The following TGS1 variants were observed in gnomAD, a reference collection of about 807,000 sequenced individuals.
TGS1 encodes trimethylguanosine synthase.
Under a neutral mutation model 92.2 loss-of-function variants are expected in TGS1, and 69 were observed. That is an observed-to-expected ratio of 0.75 (90% CI 0.62 to 0.91). The LOEUF (loss-of-function observed/expected upper bound fraction) is 0.91. Ranked by LOEUF, TGS1 falls within the 40% of genes least tolerant of loss-of-function variation. The probability of loss-of-function intolerance (pLI) is 0.00; values close to 1 mark genes in which losing one functional copy is unlikely to be tolerated. For missense variants in TGS1, 1,062 were observed against 1,001.2 expected (o/e 1.06, Z -0.82); for synonymous variants, 345 against 338.1 (o/e 1.02, Z -0.22).
chr8:55,795,267 A>C (rs753832154), intron 6 of TGS1, among the ~76,000 whole-genome samples: 9 of 152,170 alleles, frequency 5.9e-5, no homozygotes, highest in Non-Finnish European at 8.8e-5. Flanking sequence ...ACCCAATTCT[A>C]CTTAAAAGAG....
Position 55,783,454 on chromosome 8 carries a change from T to G in TGS1, c.166+642T>G, listed in dbSNP as rs562161382. ...TATGTAAATTCTAATCATAATACAC[T>G]TCATGAGAAGTGTATTATGTAGGTA... On this transcript the variant is annotated intron_variant, in intron 2 of 12. Coordinates refer to ENST00000260129, the MANE Select transcript of TGS1 (RefSeq NM_024831.8). 2.8e-4 allele frequency among the ~76,000 whole-genome samples: 42 copies of G among 152,070 alleles called. No homozygotes were observed. In the East Asian group the frequency reaches 5.4e-3, roughly 20 times the overall value.
In TGS1 at chr8:55,825,393, A is replaced by G. The variant is rs571260890; in HGVS notation, c.*690A>G. ...TTCCATTGTGACATCAATACGCAAT[A>G]TATTTTGTAATATAGGAGTTTCTAT... is the stretch of plus-strand genomic sequence containing the variant. On this transcript the variant is annotated 3_prime_UTR_variant, in exon 13 of 13. Coordinates refer to ENST00000260129, the MANE Select transcript of TGS1 (RefSeq NM_024831.8). The G allele has an allele frequency of 2.0e-5, 3 of 152,328 alleles. No homozygotes were observed. The highest frequency in any genetic ancestry group is 2.9e-5 in the Non-Finnish European group (2 of 68,028). 9.4% of individuals were successfully genotyped at this position (152,328 alleles called of 1,614,324 possible).
Position 55,799,228 on chromosome 8 carries a change from T to G in TGS1, c.1849+8T>G, listed in dbSNP as rs1296542363. Reference sequence around the variant, plus strand: ...GCCAGGCAGAAACTGAAGGTAACACTAAATATGCTTCAACTTGCTAATGGA... The same window carrying G: ...GCCAGGCAGAAACTGAAGGTAACACGAAATATGCTTCAACTTGCTAATGGA... On this transcript the variant is annotated splice_region_variant and intron_variant, in intron 8 of 12. Transcript: ENST00000260129. The G allele has an allele frequency of 6.3e-7, 1 of 1,581,574 alleles. No homozygotes were observed. Among genetic ancestry groups the G allele is most frequent in the African/African-American group, 1.4e-5 (1 of 73,138 alleles).
chr8:55,776,510 G>C (rs1255310750), intron 1 of TGS1, among the ~76,000 whole-genome samples: 1 of 152,086 alleles, frequency 6.6e-6, no homozygotes, highest in African/African-American at 2.4e-5. Flanking sequence ...TCTGTCTCCT[G>C]ACCTCTGATC....
chr8:55,811,586 C>G (rs933243326), intron 11 of TGS1, among the ~76,000 whole-genome samples: 3 of 151,934 alleles, frequency 2.0e-5, no homozygotes, highest in Non-Finnish European at 2.9e-5. Context: ...ACGGTGAAAC[C>G]TCATCTCTAC....
chr8:55,825,757 TTGCTC>T lies in TGS1; in HGVS notation c.*1058_*1062del, dbSNP rs1437675082. Among the ~76,000 whole-genome samples the T allele has an allele frequency of 2.0e-5, 3 of 152,242 alleles. No homozygotes were observed. The highest frequency in any genetic ancestry group is 4.1e-4 in the South Asian group (2 of 4,824). ...TCTTGAAAGTTTACAATTTATCTGATTGCTCTGCAGTACAGTAGCAACTGAGCTGA... is the reference window on the plus strand; with the variant it reads ...TCTTGAAAGTTTACAATTTATCTGATTGCAGTACAGTAGCAACTGAGCTGA... On this transcript the variant is annotated 3_prime_UTR_variant, in exon 13 of 13. Transcript: ENST00000260129.
At chr8:55,793,315 G>A (rs371804019) in intron 6 of TGS1, among the ~76,000 whole-genome samples, 15 of 152,158 alleles carry the variant, frequency 9.9e-5, no homozygotes, top group African/African-American at 3.4e-4. Flanking sequence ...AATATAGGGA[G>A]ACCCCATCTC....
chr8:55,796,179 G>A, intron 7 of TGS1, 27 bp downstream of exon 7: 6 of 1,531,802 alleles, frequency 3.9e-6, no homozygotes, highest in Non-Finnish European at 5.4e-6. Flanking sequence ...TTGCATATTT[G>A]TAGATAGAAT....
At chr8:55,795,018 C>T (rs958744305) in intron 6 of TGS1, among the ~76,000 whole-genome samples, 17 of 152,132 alleles carry the variant, frequency 1.1e-4, no homozygotes, top group Non-Finnish European at 1.0e-4. Context: ...CAGTTTTTCT[C>T]CCTTAGGTGT....
At chr8:55,785,251 T>C (rs1811675577) in intron 2 of TGS1, among the ~76,000 whole-genome samples, 1 of 151,980 alleles carries the variant, frequency 6.6e-6, no homozygotes, top group Non-Finnish European at 1.5e-5. Flanking sequence ...AGACGGGTTT[T>C]CACCATGTTG....
intron 8 of TGS1, among the ~76,000 whole-genome samples, chr8:55,802,167 A>G (rs951660946): frequency 2.6e-5 from 4 of 152,156 alleles, no homozygotes; most frequent in Admixed American, 6.5e-5. Flanking sequence ...GCACTCCAGC[A>G]TGGGTGACAG....
At chr8:55,789,320 A>T (rs532430847) in intron 4 of TGS1, among the ~76,000 whole-genome samples, 1 of 152,182 alleles carries the variant, frequency 6.6e-6, no homozygotes, top group Non-Finnish European at 1.5e-5. Flanking sequence ...CTTCTTAAAG[A>T]TAGTATTGTC....
intron 11 of TGS1, among the ~76,000 whole-genome samples, chr8:55,812,025 G>A (rs1803353942): frequency 1.3e-5 from 2 of 152,060 alleles, no homozygotes; most frequent in Admixed American, 6.5e-5. Context: ...GAGTTTGTCG[G>A]TAACCATTCT....
At chr8:55,803,734 C>A (rs1283488115) in intron 9 of TGS1, among the ~76,000 whole-genome samples, 1 of 150,242 alleles carries the variant, frequency 6.7e-6, no homozygotes, top group Admixed American at 6.7e-5. Context: ...CACTCTGTCA[C>A]CCACGCTGGA....
intron 11 of TGS1, 90 bp downstream of exon 11, chr8:55,811,187 G>GGGGGGGGC: frequency 3.1e-6 from 1 of 325,858 alleles, no homozygotes; most frequent in Non-Finnish European, 6.2e-6. Flanking sequence ...GGGTGGGTGG[G>GGGGGGGGC]CAGGGTGGCT....
chr8:55,774,704 A>T (rs1811333136), intron 1 of TGS1, among the ~76,000 whole-genome samples: 1 of 152,204 alleles, frequency 6.6e-6, no homozygotes, highest in Admixed American at 6.5e-5. Context: ...AGCAGAGAAG[A>T]TCAATATTAA....
chr8:55,798,823 C>A, intron 7 of TGS1, 91 bp from the exon 8 acceptor site: 1 of 1,061,318 alleles, frequency 9.4e-7, no homozygotes, highest in Non-Finnish European at 1.3e-6. Context: ...TTTGACACAG[C>A]TTTTCAGTCA....
intron 10 of TGS1, among the ~76,000 whole-genome samples, chr8:55,808,986 A>G (rs572777294): frequency 3.3e-5 from 5 of 152,238 alleles, no homozygotes. Context: ...TTGTGTATAC[A>G]TATGTAAGTA....
Position 55,813,214 on chromosome 8 carries a change from A to G in TGS1, c.2439+96A>G, listed in dbSNP as rs1160942476. On this transcript the variant is annotated intron_variant, in intron 12 of 12. Coordinates refer to ENST00000260129, the MANE Select transcript of TGS1 (RefSeq NM_024831.8). ...CATATCCTTACCAGAGAATGTGTTT[A>G]TGAGAAGTCCCTGACTCACTGACTA... 2 of 870,988 alleles carry G rather than the reference A, an allele frequency of 2.3e-6. No individual in the cohort carries two copies. The highest frequency in any genetic ancestry group is 3.6e-6 in the Non-Finnish European group (2 of 552,052). 54.0% of individuals were successfully genotyped at this position (870,988 alleles called of 1,614,324 possible). A position where few individuals can be genotyped will look rare whatever the true frequency, so the allele number is the denominator to read the frequency against.
Sources: gnomAD v4.1 joint callset for allele counts (sites outside exome capture counted in the v4.1 genomes callset) on GRCh38, gnomAD v4.1.1 for gene constraint, MANE v1.5 for transcripts, NCBI Gene and HGNC (gene_info 2026-07-23, HGNC 2026-07-21) for gene names.